ADGRL2: variants seen among roughly 807,000 people sequenced by gnomAD.
The protein encoded by ADGRL2 is calcium-independent alpha-latrotoxin receptor 2.
In ADGRL2, 44 loss-of-function variants were observed where a neutral mutation model predicts 157.4. The observed-to-expected ratio is 0.28, with a 90% CI of 0.22 to 0.36. The LOEUF (loss-of-function observed/expected upper bound fraction) is 0.36, where lower values mean the gene tolerates loss of function less well. ADGRL2 is among the 10% of genes least tolerant of loss of function. The probability of loss-of-function intolerance (pLI) is 1.00; values close to 1 mark genes in which losing one functional copy is unlikely to be tolerated. For synonymous variants in ADGRL2, 585 were observed against 624.7 expected (o/e 0.94, Z 0.95); for missense variants, 1,510 against 1,768.9 (o/e 0.85, Z 2.63).
Position 81,864,653 on chromosome 1 carries a change from G to C in ADGRL2, c.73+27596G>C, listed in dbSNP as rs12085632. Among the ~76,000 whole-genome samples the C allele has an allele frequency of 4.3e-3, 658 of 152,060 alleles. 5 individuals carry two copies. The highest frequency in any genetic ancestry group is 0.015 in the African/African-American group (624 of 41,488). On this transcript the variant is annotated intron_variant, in intron 2 of 23. Transcript: ENST00000686636. ...CCACCTCCTTGGATTTGATTTTTCT[G>C]TTTTACTTTATTTCTAAAAGTTACG...
intron 1 of ADGRL2, among the ~76,000 whole-genome samples, chr1:81,412,113 AT>A (rs2101436125): frequency 6.6e-6 from 1 of 152,286 alleles, no homozygotes; most frequent in African/African-American, 2.4e-5. Context: ...ACTATAAGAT[AT>A]ACAGTTACTA....
chr1:81,342,800 C>A (rs1049772449), intron 1 of ADGRL2, among the ~76,000 whole-genome samples: 64 of 152,018 alleles, frequency 4.2e-4, no homozygotes, highest in African/African-American at 1.4e-3. Flanking sequence ...TAAATTTAGC[C>A]AACTTTTCCT....
chr1:81,858,809 C>T (rs934996874), intron 2 of ADGRL2, among the ~76,000 whole-genome samples: 11 of 152,060 alleles, frequency 7.2e-5, no homozygotes, highest in South Asian at 2.1e-4. Flanking sequence ...CATTTTTTCC[C>T]GGATGTAATA....
chr1:81,944,178 T>G (rs997947848), intron 6 of ADGRL2, among the ~76,000 whole-genome samples: 1 of 152,180 alleles, frequency 6.6e-6, no homozygotes, highest in South Asian at 2.1e-4. Flanking sequence ...CTAGGCTTGA[T>G]GTACAATGCC....
At chr1:81,556,933 G>T (rs2080293627) in intron 2 of ADGRL2, among the ~76,000 whole-genome samples, 1 of 151,330 alleles carries the variant, frequency 6.6e-6, no homozygotes, top group South Asian at 2.1e-4. Flanking sequence ...CAAAAAATTA[G>T]CCAGGCGTGG....
intron 19 of ADGRL2, among the ~76,000 whole-genome samples, chr1:81,982,450 CT>C (rs1199802952): frequency 5.3e-5 from 8 of 151,956 alleles, no homozygotes; most frequent in African/African-American, 1.9e-4. Flanking sequence ...TTACATCTTA[CT>C]TACTGTTTTT....
chr1:81,323,123 G>A (rs945966846), intron 1 of ADGRL2, among the ~76,000 whole-genome samples: 9 of 152,152 alleles, frequency 5.9e-5, no homozygotes, highest in African/African-American at 2.2e-4. Context: ...CTCCCAAAAT[G>A]CTGGGATTAC....
At chr1:81,523,545 C>T (rs1479708181) in intron 2 of ADGRL2, among the ~76,000 whole-genome samples, 1 of 152,042 alleles carries the variant, frequency 6.6e-6, no homozygotes, top group African/African-American at 2.4e-5. Context: ...AGGAAATGTA[C>T]AGCTATCTCA....
chr1:81,769,072 G>A (rs910914087), intron 2 of ADGRL2, among the ~76,000 whole-genome samples: 9 of 149,362 alleles, frequency 6.0e-5, no homozygotes, highest in African/African-American at 1.7e-4. Flanking sequence ...GACAGAGTGA[G>A]ACTCCATCTC....
chr1:81,990,268 C>G (rs1358954063), intron 23 of ADGRL2, 123 bp from the exon 24 acceptor site: 1 of 1,500,864 alleles, frequency 6.7e-7, no homozygotes, highest in Non-Finnish European at 8.8e-7. Context: ...TGGCACTTTT[C>G]AAGTGTTAGC....
intron 1 of ADGRL2, among the ~76,000 whole-genome samples, chr1:81,816,336 G>A (rs2090401479): frequency 6.6e-6 from 1 of 151,618 alleles, no homozygotes; most frequent in Admixed American, 6.6e-5. Flanking sequence ...TTATACAATT[G>A]ATGATATTAC....
At chr1:81,944,160 G>T (rs1292394752) in intron 6 of ADGRL2, among the ~76,000 whole-genome samples, 1 of 152,018 alleles carries the variant, frequency 6.6e-6, no homozygotes, top group Non-Finnish European at 1.5e-5. Context: ...GAAGTCCCAG[G>T]AGAATGGCTA....
At chr1:81,316,840 C>G (rs1046293512) in intron 1 of ADGRL2, among the ~76,000 whole-genome samples, 1 of 152,116 alleles carries the variant, frequency 6.6e-6, no homozygotes, top group Non-Finnish European at 1.5e-5. Context: ...TTGTAAACAT[C>G]CAGATCCCAG....
chr1:81,717,796 T>C (rs972843810), intron 1 of ADGRL2, among the ~76,000 whole-genome samples: 1 of 152,226 alleles, frequency 6.6e-6, no homozygotes, highest in African/African-American at 2.4e-5. Flanking sequence ...TTTTGTACAT[T>C]GTGCTACAGA....
At chr1:81,483,378 G>A (rs898999938) in intron 2 of ADGRL2, among the ~76,000 whole-genome samples, 3 of 152,164 alleles carry the variant, frequency 2.0e-5, no homozygotes, top group East Asian at 1.9e-4. Flanking sequence ...AAGCACCTTC[G>A]TGCATTTAGC....
intron 3 of ADGRL2, among the ~76,000 whole-genome samples, chr1:81,628,583 G>A (rs1054610066): frequency 3.3e-5 from 5 of 152,094 alleles, no homozygotes; most frequent in African/African-American, 1.2e-4. Flanking sequence ...TCAGGAAACT[G>A]AAACCATGAG....
intron 19 of ADGRL2, among the ~76,000 whole-genome samples, 168 bp downstream of exon 19, chr1:81,982,144 T>A (rs77836642): frequency 0.016 from 2,483 of 152,082 alleles, 47 homozygotes; most frequent in African/African-American, 0.046. Flanking sequence ...GTTTCACCTA[T>A]AAAATAATAC....
chr1:81,529,159 C>G (rs10782763), intron 2 of ADGRL2, among the ~76,000 whole-genome samples: 3 of 152,066 alleles, frequency 2.0e-5, no homozygotes, highest in African/African-American at 4.8e-5. Flanking sequence ...CTAACCTGGC[C>G]GTGGTGGGAG....
At chr1:81,575,256 T>C (rs1370125992) in intron 2 of ADGRL2, among the ~76,000 whole-genome samples, 1 of 152,190 alleles carries the variant, frequency 6.6e-6, no homozygotes, top group African/African-American at 2.4e-5. Context: ...CGAACTTGTC[T>C]GATGAAGTAC....
Sources: allele counts gnomAD v4.1 joint callset (sites outside exome capture counted in the v4.1 genomes callset), GRCh38; gene constraint gnomAD v4.1.1; transcripts MANE v1.5; gene names NCBI Gene and HGNC (gene_info 2026-07-23, HGNC 2026-07-21).